The following STK39 variants were observed in gnomAD, a reference collection of about 807,000 sequenced individuals.
The protein encoded by STK39 is serine/threonine kinase 39.
Under a neutral mutation model 77.8 loss-of-function variants are expected in STK39, and 20 were observed. The ratio of observed to expected loss-of-function variants is 0.26; its 90% CI spans 0.18 to 0.37. The LOEUF (loss-of-function observed/expected upper bound fraction) is 0.37. Among genes scored for constraint, STK39 ranks in the 10% least tolerant of loss-of-function variants. The pLI is 1.00. For synonymous variants in STK39, 246 were observed against 234.1 expected (o/e 1.05, Z -0.47); for missense variants, 479 against 656.5 (o/e 0.73, Z 2.95).
chr2:168,033,019 G>C (rs1684865934), intron 14 of STK39, among the ~76,000 whole-genome samples: 1 of 152,212 alleles, frequency 6.6e-6, no homozygotes, highest in Admixed American at 6.5e-5. Flanking sequence ...ATGGGTCAGA[G>C]GAGCTAAGAT....
chr2:168,221,282 C>T (rs138508086), intron 1 of STK39, among the ~76,000 whole-genome samples: 7 of 152,248 alleles, frequency 4.6e-5, no homozygotes, highest in African/African-American at 1.4e-4. Context: ...AAAGTTTAAA[C>T]ATTGATTGTC....
At chr2:168,143,346 C>A (rs1160417743) in intron 5 of STK39, among the ~76,000 whole-genome samples, 1 of 152,218 alleles carries the variant, frequency 6.6e-6, no homozygotes, top group East Asian at 1.9e-4. Context: ...TCCTAAGTTC[C>A]CATCTCCCTT....
In STK39 at chr2:167,954,866, T is replaced by C. The variant is rs199679886; in HGVS notation, c.*630A>G. On this transcript the variant is annotated 3_prime_UTR_variant, in exon 18 of 18. Transcript: ENST00000355999. ...ACAGACCCAAAACTTTTTGTTTAAA[T>C]AACGAGATTAACTGCAAGAAGCATA... 1.3e-5 allele frequency: 2 copies of C among 152,628 alleles called. No homozygotes were observed. Among genetic ancestry groups the C allele is most frequent in the Non-Finnish European group, 2.9e-5 (2 of 68,014 alleles). 9.5% of individuals were successfully genotyped at this position (152,628 alleles called of 1,614,324 possible). A position where few individuals can be genotyped will look rare whatever the true frequency, so the allele number is the denominator to read the frequency against.
At chr2:168,063,637 A>G (rs1685720548) in intron 13 of STK39, 67 bp from the exon 14 acceptor site, 1 of 1,409,868 alleles carries the variant, frequency 7.1e-7, no homozygotes, top group African/African-American at 1.4e-5. Context: ...AAATCACAAT[A>G]TCACTTGATT....
chr2:168,113,957 A>G (rs1574475743), intron 10 of STK39, among the ~76,000 whole-genome samples: 1 of 152,248 alleles, frequency 6.6e-6, no homozygotes, highest in Admixed American at 6.5e-5. Context: ...ATTTATTACC[A>G]AAAATGTTTA....
At chr2:168,143,107 T>A (rs949763146) in intron 5 of STK39, among the ~76,000 whole-genome samples, 1 of 152,052 alleles carries the variant, frequency 6.6e-6, no homozygotes, top group Non-Finnish European at 1.5e-5. Context: ...AAACACAGAA[T>A]CAAAGGCTAC....
chr2:168,067,744 G>A (rs181053150), intron 12 of STK39, among the ~76,000 whole-genome samples: 9 of 152,264 alleles, frequency 5.9e-5, no homozygotes, highest in African/African-American at 2.2e-4. Flanking sequence ...TTGTAAGAAA[G>A]CTAACATATT....
chr2:168,151,203 A>T (rs942743834), intron 5 of STK39, among the ~76,000 whole-genome samples: 3 of 152,224 alleles, frequency 2.0e-5, no homozygotes, highest in African/African-American at 4.8e-5. Context: ...ACCTTCTTTG[A>T]AACATCAGAG....
intron 14 of STK39, among the ~76,000 whole-genome samples, chr2:168,028,072 G>A (rs1324693019): frequency 6.6e-6 from 1 of 152,112 alleles, no homozygotes; most frequent in Admixed American, 6.6e-5. Flanking sequence ...TGCCTGCCAG[G>A]TGAAGGGCAT....
intron 16 of STK39, among the ~76,000 whole-genome samples, chr2:167,971,022 T>C (rs890176943): frequency 2.6e-5 from 4 of 152,238 alleles, no homozygotes; most frequent in African/African-American, 9.6e-5. Context: ...CTGAAGTTTT[T>C]CTTTTGACAG....
chr2:168,187,035 T>G (rs1254689383), intron 1 of STK39, among the ~76,000 whole-genome samples: 1 of 152,208 alleles, frequency 6.6e-6, no homozygotes, highest in Non-Finnish European at 1.5e-5. Flanking sequence ...TCATGTATAA[T>G]GCACTTTGAT....
intron 1 of STK39, among the ~76,000 whole-genome samples, chr2:168,190,774 C>T (rs10202854): frequency 0.32 from 49,176 of 151,992 alleles, 8,300 homozygotes; most frequent in East Asian, 0.46. Context: ...AGTCAGTAAA[C>T]GGTCACTTTG....
intron 14 of STK39, among the ~76,000 whole-genome samples, chr2:168,046,730 A>C (rs1213145654): frequency 1.3e-5 from 2 of 152,222 alleles, no homozygotes; most frequent in Admixed American, 6.5e-5. Context: ...AAGCAACCCA[A>C]AAAGGGGAGA....
chr2:168,066,837 TC>T (rs1685807924), intron 12 of STK39, among the ~76,000 whole-genome samples: 1 of 152,206 alleles, frequency 6.6e-6, no homozygotes, highest in South Asian at 2.1e-4. Flanking sequence ...ATATGGTAAT[TC>T]CTCAGAAAAT....
At chr2:168,010,156 C>T (rs1023750213) in intron 16 of STK39, among the ~76,000 whole-genome samples, 1 of 152,204 alleles carries the variant, frequency 6.6e-6, no homozygotes, top group Non-Finnish European at 1.5e-5. Context: ...CAATAGGAGA[C>T]ATTAGTAGGT....
chr2:168,072,684 A>C (rs1685971947), intron 12 of STK39, among the ~76,000 whole-genome samples: 1 of 152,238 alleles, frequency 6.6e-6, no homozygotes, highest in Admixed American at 6.5e-5. Context: ...TTACATATTT[A>C]ACACTTTTTA....
intron 1 of STK39, among the ~76,000 whole-genome samples, chr2:168,211,034 C>T (rs896555870): frequency 8.5e-5 from 13 of 152,126 alleles, no homozygotes; most frequent in South Asian, 4.2e-4. Context: ...GAAAGTATAA[C>T]GTATTAGTCC....
chr2:168,133,788 G>A (rs944866376), intron 8 of STK39, among the ~76,000 whole-genome samples: 2 of 151,924 alleles, frequency 1.3e-5, no homozygotes, highest in Non-Finnish European at 2.9e-5. Context: ...AACCCAGGAG[G>A]CGGAGGTTGC....
chr2:168,065,493 G>T, intron 12 of STK39, 112 bp from the exon 13 acceptor site: 1 of 1,146,036 alleles, frequency 8.7e-7, no homozygotes, highest in Admixed American at 1.8e-5. Context: ...CGATCATAAA[G>T]CAATATTTAC....
Sources: gnomAD v4.1 joint callset for allele counts (sites outside exome capture counted in the v4.1 genomes callset) on GRCh38, gnomAD v4.1.1 for gene constraint, MANE v1.5 for transcripts, NCBI Gene and HGNC (gene_info 2026-07-23, HGNC 2026-07-21) for gene names.